Variants in ZNF529 observed in about 807,000 individuals in gnomAD.
ZNF529 encodes the protein zinc finger protein 529.
In ZNF529, 11 loss-of-function variants were observed where a neutral mutation model predicts 10.1. The observed-to-expected ratio is 1.09, with a 90% confidence interval of 0.69 to 1.81. ZNF529 has a LOEUF of 1.81. Among genes scored for constraint, ZNF529 ranks in the 40% most tolerant of loss-of-function variants. The pLI, the probability that ZNF529 is intolerant of heterozygous loss-of-function variation, is 0.00. For missense variants in ZNF529, 624 were observed against 666.8 expected (o/e 0.94, Z 0.71); for synonymous variants, 204 against 215.7 (o/e 0.95, Z 0.47).
upstream of ZNF529, chr19:36,574,860 C>G (rs1202515886): frequency 2.1e-6 from 1 of 471,250 alleles, no homozygotes; most frequent in Admixed American, 2.3e-5. Context: ...GTTTCCATTT[C>G]TCCTGGGCAA....
At chr19:36,599,643 T>A (rs763400712) in intron 1 of ZNF529, among the ~76,000 whole-genome samples, 1 of 152,250 alleles carries the variant, frequency 6.6e-6, no homozygotes, top group Non-Finnish European at 1.5e-5. Context: ...TACAACTTTC[T>A]ATTTTATAAG....
intron 1 of ZNF529, among the ~76,000 whole-genome samples, chr19:36,600,752 A>G (rs974760668): frequency 6.6e-6 from 1 of 152,244 alleles, no homozygotes; most frequent in Non-Finnish European, 1.5e-5. Context: ...AAGGCAAATT[A>G]TTCCAGGTGA....
At chr19:36,579,885 T>C (rs2036424638) in intron 2 of ZNF529, among the ~76,000 whole-genome samples, 1 of 152,244 alleles carries the variant, frequency 6.6e-6, no homozygotes, top group Non-Finnish European at 1.5e-5. Flanking sequence ...TAGCTTCCTG[T>C]AATATTTTTA....
rs943287700 is a variant in ZNF529 at position 36,583,432 on chromosome 19, C to T, written c.-41+6183G>A. 3.3e-5 allele frequency among the ~76,000 whole-genome samples: 5 copies of T among 151,918 alleles called. No individual in the cohort carries two copies. The East Asian group carries it at 9.7e-4, about 29-fold the overall frequency. On this transcript the variant is annotated intron_variant, in intron 2 of 4. Transcript: ENST00000585960. ...CAGCTCCACTGAAACCCCTGCAACTCAGCCAAAAGTAAATGTAACATGGTT... is the reference window on the plus strand; with the variant it reads ...CAGCTCCACTGAAACCCCTGCAACTTAGCCAAAAGTAAATGTAACATGGTT...
chr19:36,591,297 CAAAA>C (rs66878050), intron 1 of ZNF529, among the ~76,000 whole-genome samples: 1 of 72,942 alleles, frequency 1.4e-5, no homozygotes. Context: ...GACTCCGTCT[CAAAA>C]AAAAAAAAAA....
chr19:36,579,310 A>ATAG (rs2036412176), intron 2 of ZNF529, among the ~76,000 whole-genome samples: 1 of 152,342 alleles, frequency 6.6e-6, no homozygotes, highest in South Asian at 2.1e-4. Context: ...TGGCATGGCT[A>ATAG]TAGTAGTATC....
chr19:36,568,404 A>G (rs1443609265), intron 2 of ZNF529, among the ~76,000 whole-genome samples: 1 of 151,896 alleles, frequency 6.6e-6, no homozygotes, highest in Non-Finnish European at 1.5e-5. Context: ...GCTTATTTGG[A>G]ACATGCTAAT....
intron 1 of ZNF529, among the ~76,000 whole-genome samples, chr19:36,601,012 G>C (rs1399109782): frequency 6.6e-6 from 1 of 151,702 alleles, no homozygotes; most frequent in African/African-American, 2.4e-5. Context: ...CCATACACAG[G>C]CTACACAATT....
intron 1 of ZNF529, among the ~76,000 whole-genome samples, chr19:36,599,567 AT>A (rs1257557310): frequency 1.3e-5 from 2 of 152,232 alleles, no homozygotes; most frequent in African/African-American, 4.8e-5. Context: ...ACAAGGAAAA[AT>A]TGAGAAGAAT....
intron 2 of ZNF529, among the ~76,000 whole-genome samples, chr19:36,566,398 A>G (rs2035898374): frequency 6.6e-6 from 1 of 152,212 alleles, no homozygotes; most frequent in South Asian, 2.1e-4. Context: ...AATTAAAACC[A>G]AAAGAAAGCC....
At chr19:36,577,972 TA>T (rs1314378449), upstream of ZNF529, 13 of 151,060 alleles carry the variant, frequency 8.6e-5, no homozygotes, top group South Asian at 2.5e-3. Context: ...TCCTCCCTTA[TA>T]TTTTTTTTAT....
chr19:36,554,888 G>GACAGT, intron 3 of ZNF529, 92 bp from the exon 4 acceptor site: 1 of 1,201,618 alleles, frequency 8.3e-7, no homozygotes, highest in Non-Finnish European at 1.1e-6. Flanking sequence ...AAGGGGATTG[G>GACAGT]ACAGTAAACA....
intron 2 of ZNF529, among the ~76,000 whole-genome samples, chr19:36,568,691 C>T (rs1222987965): frequency 2.0e-5 from 3 of 152,040 alleles, no homozygotes; most frequent in Admixed American, 1.3e-4. Flanking sequence ...AGGCTGGTCT[C>T]GAAGTCCTAA....
intron 2 of ZNF529, among the ~76,000 whole-genome samples, chr19:36,557,885 T>C (rs1216684399): frequency 6.6e-6 from 1 of 152,168 alleles, no homozygotes; most frequent in Admixed American, 6.5e-5. Context: ...CTTCAAATTA[T>C]ACATTATAAT....
chr19:36,573,396 C>G (rs1205448456), upstream of ZNF529: 1 of 466,060 alleles, frequency 2.1e-6, no homozygotes, highest in Non-Finnish European at 4.5e-6. Context: ...GCGGAGCCCG[C>G]TGGCCGCAGG....
At chr19:36,594,723 G>T (rs982927174) in intron 1 of ZNF529, 1 of 151,984 alleles carries the variant, frequency 6.6e-6, no homozygotes, top group African/African-American at 2.4e-5. Flanking sequence ...TGAAGTTTTG[G>T]GGTGGTTTGT....
intron 2 of ZNF529, among the ~76,000 whole-genome samples, chr19:36,561,883 T>G (rs2035711623): frequency 6.6e-6 from 1 of 152,216 alleles, no homozygotes; most frequent in Non-Finnish European, 1.5e-5. Context: ...CCCTGTTCAG[T>G]TTTGGACCTA....
At chr19:36,584,916 C>T (rs1729162664) in intron 2 of ZNF529, among the ~76,000 whole-genome samples, 1 of 151,962 alleles carries the variant, frequency 6.6e-6, no homozygotes, top group South Asian at 2.1e-4. Flanking sequence ...ATTTTTAATC[C>T]AGTGCAGGGG....
chr19:36,547,138 C>T lies in ZNF529; in HGVS notation c.1420G>A (p.Gly474Ser). ...ACCTTACATTCATAAGGTTTCTCAC[C>T]ACTATGAATTCTTTGATGTTGAATA... ...ALIQHQRIHS[G>S]EKPYECKVCG... The change falls in exon 5 of 5, where the codon GGT becomes AGT. Residue 474 changes from glycine to serine, a missense_variant. Transcript: ENST00000591340. 1.2e-6 allele frequency: 2 copies of T among 1,613,872 alleles called. No homozygotes were observed. The highest frequency in any genetic ancestry group is 8.5e-7 in the Non-Finnish European group (1 of 1,179,932).
Sources: gnomAD v4.1 joint callset for allele counts (sites outside exome capture counted in the v4.1 genomes callset) on GRCh38, gnomAD v4.1.1 for gene constraint, MANE v1.5 for transcripts, NCBI Gene and HGNC (gene_info 2026-07-23, HGNC 2026-07-21) for gene names.